Variants in GRM7 observed in about 807,000 individuals in gnomAD.
GRM7 encodes metabotropic glutamate receptor 7.
In GRM7, 35 loss-of-function variants were observed where a neutral mutation model predicts 84.5. The observed-to-expected ratio is 0.41, with a 90% CI of 0.32 to 0.55. The LOEUF (loss-of-function observed/expected upper bound fraction) is 0.55, where lower values mean the gene tolerates loss of function less well. GRM7 is among the 20% of genes least tolerant of loss of function. GRM7 has a pLI of 0.19. For synonymous variants in GRM7, 487 were observed against 455.1 expected (o/e 1.07, Z -0.89); for missense variants, 1,003 against 1,194.6 (o/e 0.84, Z 2.36).
At chr3:7,179,134 T>A (rs1317699098) in intron 2 of GRM7, among the ~76,000 whole-genome samples, 1 of 151,718 alleles carries the variant, frequency 6.6e-6, no homozygotes, top group African/African-American at 2.4e-5. Flanking sequence ...ATCTTGGTAC[T>A]CTAGAAACAA....
At chr3:7,200,620 C>T (rs529932814) in intron 2 of GRM7, among the ~76,000 whole-genome samples, 1 of 152,162 alleles carries the variant, frequency 6.6e-6, no homozygotes, top group Admixed American at 6.5e-5. Flanking sequence ...GAACAGACTG[C>T]TGCACTCACC....
chr3:7,018,557 G>A (rs893203259), intron 1 of GRM7, among the ~76,000 whole-genome samples: 2 of 152,216 alleles, frequency 1.3e-5, no homozygotes, highest in South Asian at 2.1e-4. Context: ...CAAGTCCCAC[G>A]GGGGTCCCTT....
chr3:6,879,568 A>T (rs1449123615), intron 1 of GRM7, among the ~76,000 whole-genome samples: 2 of 152,186 alleles, frequency 1.3e-5, no homozygotes, highest in Non-Finnish European at 2.9e-5. Flanking sequence ...TTTTAGAAAG[A>T]TGAGTGGACA....
chr3:7,167,542 G>T (rs1407406357), intron 2 of GRM7, among the ~76,000 whole-genome samples: 1 of 152,164 alleles, frequency 6.6e-6, no homozygotes, highest in African/African-American at 2.4e-5. Flanking sequence ...ACTAGAACAA[G>T]TAAGCCTCGG....
At chr3:7,077,987 T>A (rs952735582) in intron 1 of GRM7, among the ~76,000 whole-genome samples, 2 of 152,192 alleles carry the variant, frequency 1.3e-5, no homozygotes, top group African/African-American at 4.8e-5. Flanking sequence ...ACACTGTTTC[T>A]GTCATAATCA....
intron 1 of GRM7, among the ~76,000 whole-genome samples, chr3:7,130,163 C>A (rs538616260): frequency 1.3e-5 from 2 of 152,114 alleles, no homozygotes; most frequent in Admixed American, 6.5e-5. Flanking sequence ...CTGACTAAAA[C>A]GTCCCTTATA....
At chr3:6,903,871 A>G (rs865806127) in intron 1 of GRM7, among the ~76,000 whole-genome samples, 26 of 152,316 alleles carry the variant, frequency 1.7e-4, no homozygotes, top group African/African-American at 5.3e-4. Flanking sequence ...TTGTGATGCT[A>G]ATGAGGTTGA....
intron 7 of GRM7, among the ~76,000 whole-genome samples, chr3:7,508,792 G>A (rs905915032): frequency 6.6e-6 from 1 of 152,164 alleles, no homozygotes; most frequent in East Asian, 1.9e-4. Context: ...GTCAGCTCAA[G>A]ATATTTTTAT....
At chr3:7,112,003 A>G (rs1027099713) in intron 1 of GRM7, among the ~76,000 whole-genome samples, 8 of 152,142 alleles carry the variant, frequency 5.3e-5, no homozygotes, top group African/African-American at 1.9e-4. Flanking sequence ...TATTTTGGCA[A>G]AAGGCAATAA....
chr3:7,460,104 A>G (rs1698182118), intron 6 of GRM7, among the ~76,000 whole-genome samples: 1 of 145,596 alleles, frequency 6.9e-6, no homozygotes, highest in South Asian at 2.2e-4. Flanking sequence ...AATAGTAAAA[A>G]AAAAAAAAAA....
chr3:7,365,658 TATATATACACACACGCACACACAC>T (rs1368674125), intron 4 of GRM7, among the ~76,000 whole-genome samples: 2 of 145,182 alleles, frequency 1.4e-5, no homozygotes, highest in Non-Finnish European at 3.0e-5. Flanking sequence ...TATATATATA[TATATATACACACACGCACACACAC>T]ACACATATAT....
intron 2 of GRM7, among the ~76,000 whole-genome samples, chr3:7,253,320 A>C (rs746892854): frequency 2.9e-4 from 44 of 152,194 alleles, no homozygotes; most frequent in Non-Finnish European, 2.9e-4. Context: ...CATTATTCTA[A>C]GCATTTTACA....
At chr3:7,280,757 G>A (rs532663736) in intron 2 of GRM7, among the ~76,000 whole-genome samples, 3 of 152,254 alleles carry the variant, frequency 2.0e-5, no homozygotes, top group Admixed American at 1.3e-4. Flanking sequence ...AGTTTCTTGA[G>A]GCACAAAATG....
intron 7 of GRM7, among the ~76,000 whole-genome samples, chr3:7,487,681 A>G (rs1260892741): frequency 1.3e-5 from 2 of 152,190 alleles, no homozygotes; most frequent in Non-Finnish European, 2.9e-5. Flanking sequence ...ATGCAAGAGA[A>G]GTGGAGGCAT....
chr3:7,172,861 T>C (rs1695029699), intron 2 of GRM7, among the ~76,000 whole-genome samples: 1 of 152,078 alleles, frequency 6.6e-6, no homozygotes, highest in Non-Finnish European at 1.5e-5. Context: ...CTATGCTCTA[T>C]GTCAGCCCCA....
Position 7,281,607 on chromosome 3 carries a change from T to A in GRM7, c.737-17077T>A, listed in dbSNP as rs570699034. The stretch of plus-strand genomic sequence containing the variant: ...TTTCCTAAGAAAGCAGATTTTTTTT[T>A]AAATATTCCCTTTAAATAAACATCA... On this transcript the variant is annotated intron_variant, in intron 2 of 9. Coordinates refer to ENST00000357716, the MANE Select transcript of GRM7 (RefSeq NM_000844.4). 8.5e-5 allele frequency among the ~76,000 whole-genome samples: 13 copies of A among 152,318 alleles called. 1 individual carries two copies. Among genetic ancestry groups the A allele is most frequent in the East Asian group, 3.9e-4 (2 of 5,190 alleles).
At chr3:7,181,725 C>T (rs755344500) in intron 2 of GRM7, among the ~76,000 whole-genome samples, 1 of 152,114 alleles carries the variant, frequency 6.6e-6, no homozygotes, top group Non-Finnish European at 1.5e-5. Flanking sequence ...CCTCTTGTCT[C>T]AGCCTCCCCA....
At chr3:7,376,071 C>A (rs1172164594) in intron 4 of GRM7, among the ~76,000 whole-genome samples, 1 of 152,180 alleles carries the variant, frequency 6.6e-6, no homozygotes, top group African/African-American at 2.4e-5. Flanking sequence ...TAGGTGAAAG[C>A]ATTTTCAAAA....
chr3:7,660,828 G>C (rs984538581), intron 8 of GRM7, among the ~76,000 whole-genome samples: 4 of 151,622 alleles, frequency 2.6e-5, no homozygotes, highest in Admixed American at 6.6e-5. Context: ...ACAAATGTGT[G>C]AACAACTGGT....
Sources: allele counts gnomAD v4.1 joint callset (sites outside exome capture counted in the v4.1 genomes callset), GRCh38; gene constraint gnomAD v4.1.1; transcripts MANE v1.5; gene names NCBI Gene and HGNC (gene_info 2026-07-23, HGNC 2026-07-21).